CEP63: variants seen among roughly 807,000 people sequenced by gnomAD.
CEP63 encodes the protein centrosomal protein 63, also known as centrosomal protein of 63 kDa.
CEP63 carries 84 observed loss-of-function variants against 89.1 expected under a neutral mutation model. The observed-to-expected ratio is 0.94, with a 90% CI of 0.79 to 1.13. The LOEUF (loss-of-function observed/expected upper bound fraction) is 1.13, where lower values mean the gene tolerates loss of function less well. Ranked by LOEUF, CEP63 falls within the 50% of genes most tolerant of loss-of-function variation. CEP63 has a pLI of 0.00. For missense variants in CEP63, 838 were observed against 813.3 expected (o/e 1.03, Z -0.37); for synonymous variants, 267 against 272.5 (o/e 0.98, Z 0.20).
chr3:134,499,399 T>G (rs1181187189), intron 2 of CEP63, among the ~76,000 whole-genome samples: 1 of 152,198 alleles, frequency 6.6e-6, no homozygotes, highest in African/African-American at 2.4e-5. Context: ...TATTTGGGTC[T>G]TCTCTTTTTT....
At chr3:134,506,163 C>G (rs925971023) in intron 2 of CEP63, among the ~76,000 whole-genome samples, 1 of 152,162 alleles carries the variant, frequency 6.6e-6, no homozygotes, top group Non-Finnish European at 1.5e-5. Context: ...TTCTGGAAAC[C>G]TCTTTGAATC....
At chr3:134,652,574 C>T in the CEP63 span, among the ~76,000 whole-genome samples, 1 of 151,398 alleles carries the variant, frequency 6.6e-6, no homozygotes. Context: ...GTGGAGATGG[C>T]TGACTTCCAA....
At chr3:134,610,335 G>A in the CEP63 span, 9 of 1,613,488 alleles carry the variant, frequency 5.6e-6, no homozygotes, top group African/African-American at 5.3e-5. Flanking sequence ...TCTGGTAGCC[G>A]AAACCCTTGG....
chr3:134,588,163 C>G (rs142820024), downstream of CEP63, among the ~76,000 whole-genome samples: 3 of 152,078 alleles, frequency 2.0e-5, no homozygotes, highest in East Asian at 3.9e-4. Flanking sequence ...TGTGGTGGCA[C>G]GTACCTGTAA....
At chr3:134,540,764 A>ATTTTTTTTTTTTTTTTTTTTATTTT in intron 6 of CEP63, among the ~76,000 whole-genome samples, 1 of 133,388 alleles carries the variant, frequency 7.5e-6, no homozygotes, top group Non-Finnish European at 1.6e-5. Flanking sequence ...TTGTTTTAGG[A>ATTTTTTTTTTTTTTTTTTTTATTTT]TTTTTTTTTT....
chr3:134,531,897 T>C lies in CEP63; in HGVS notation c.275T>C (p.Met92Thr), dbSNP rs150591075. ...GAACATGAAAAAATCAAGCAAGAGA[T>C]GACCATGGAATATAAGCAGGAGTTG... ...VEEHEKIKQEMTMEYKQELKK... is the reference protein window; with the variant it reads ...VEEHEKIKQETTMEYKQELKK... The change falls in exon 4 of 15, where the codon ATG (methionine) becomes ACG (threonine). Residue 92 changes from methionine to threonine, a missense_variant. Transcript: ENST00000675561. 28 of 1,613,506 alleles carry C rather than the reference T, an allele frequency of 1.7e-5. No individual in the cohort carries two copies. The highest frequency in any genetic ancestry group is 4.0e-5 in the African/African-American group (3 of 74,910).
chr3:134,681,701 G>A, the CEP63 span, among the ~76,000 whole-genome samples: 4 of 152,212 alleles, frequency 2.6e-5, no homozygotes, highest in Non-Finnish European at 5.9e-5. Flanking sequence ...GCTGGTGCCA[G>A]CTCCTAACAC....
intron 6 of CEP63, among the ~76,000 whole-genome samples, chr3:134,543,158 AAATT>A (rs756429459): frequency 2.0e-5 from 3 of 152,214 alleles, no homozygotes; most frequent in South Asian, 2.1e-4. Context: ...TAAAAAGGTG[AAATT>A]AATTTTAATA....
chr3:134,651,751 A>AGGAG, the CEP63 span: 1 of 386,672 alleles, frequency 2.6e-6, no homozygotes, highest in Non-Finnish European at 3.5e-6. Context: ...CCTGTGGGGA[A>AGGAG]GGAGGGAGGG....
chr3:134,634,285 G>A, the CEP63 span, among the ~76,000 whole-genome samples: 3 of 151,772 alleles, frequency 2.0e-5, no homozygotes, highest in Non-Finnish European at 4.4e-5. Flanking sequence ...CACAGGAACT[G>A]GAATAACTAA....
At chr3:134,586,734 G>T (rs1419013865) in intron 10 of CEP63, among the ~76,000 whole-genome samples, 1 of 152,036 alleles carries the variant, frequency 6.6e-6, no homozygotes, top group East Asian at 1.9e-4. Context: ...TTGAATGTTG[G>T]CCTGCCTTGC....
the CEP63 span, among the ~76,000 whole-genome samples, chr3:134,717,351 A>C: frequency 6.6e-6 from 1 of 152,204 alleles, no homozygotes; most frequent in African/African-American, 2.4e-5. Context: ...ATAACTGGGT[A>C]GTGTTACCCT....
At chr3:134,538,559 A>G (rs989367453) in intron 6 of CEP63, among the ~76,000 whole-genome samples, 1 of 120,738 alleles carries the variant, frequency 8.3e-6, no homozygotes, top group African/African-American at 2.9e-5. Context: ...ATATATGTAT[A>G]TATATATTTT....
chr3:134,753,912 G>A, the CEP63 span, among the ~76,000 whole-genome samples: 1 of 152,206 alleles, frequency 6.6e-6, no homozygotes, highest in African/African-American at 2.4e-5. Flanking sequence ...ACACACTAGT[G>A]TGTGCATCTT....
intron 6 of CEP63, among the ~76,000 whole-genome samples, chr3:134,545,240 G>T (rs1306323647): frequency 1.3e-5 from 2 of 151,824 alleles, no homozygotes; most frequent in Admixed American, 6.6e-5. Context: ...CTCATGATCC[G>T]CCCACCTCAG....
chr3:134,549,913 G>A (rs1262687384), intron 10 of CEP63, 150 bp from the exon 11 acceptor site: 27 of 673,866 alleles, frequency 4.0e-5, no homozygotes, highest in Non-Finnish European at 5.2e-6. Context: ...TATGCAACTT[G>A]GTAAATTGCT....
At chr3:134,755,354 C>T in the CEP63 span, among the ~76,000 whole-genome samples, 14 of 152,266 alleles carry the variant, frequency 9.2e-5, no homozygotes, top group South Asian at 2.7e-3. Flanking sequence ...CTGTGAATGG[C>T]GCCACAGCTC....
At chr3:134,649,044 G>C in the CEP63 span, among the ~76,000 whole-genome samples, 12 of 152,088 alleles carry the variant, frequency 7.9e-5, no homozygotes, top group African/African-American at 2.7e-4. Flanking sequence ...CTTTGCCTGG[G>C]GTCTCCTGAA....
the CEP63 span, among the ~76,000 whole-genome samples, chr3:134,747,421 A>G: frequency 6.6e-6 from 1 of 152,256 alleles, no homozygotes; most frequent in African/African-American, 2.4e-5. Flanking sequence ...ATCACTAAAC[A>G]GACAATCTCA....
Sources: gnomAD v4.1 joint callset for allele counts (sites outside exome capture counted in the v4.1 genomes callset) on GRCh38, gnomAD v4.1.1 for gene constraint, MANE v1.5 for transcripts, NCBI Gene and HGNC (gene_info 2026-07-23, HGNC 2026-07-21) for gene names.